Variants in OTOGL observed in about 807,000 individuals in gnomAD.
OTOGL encodes the protein otogelin like, also known as otogelin-like protein.
Under a neutral mutation model 318.5 loss-of-function variants are expected in OTOGL, and 285 were observed. The observed-to-expected ratio is 0.89, with a 90% CI of 0.81 to 0.99. The LOEUF (loss-of-function observed/expected upper bound fraction) is 0.99, where lower values mean the gene tolerates loss of function less well. OTOGL is among the 50% of genes least tolerant of loss of function. OTOGL has a pLI of 0.00. For synonymous variants in OTOGL, 987 were observed against 936.5 expected (o/e 1.05, Z -0.99); for missense variants, 2,899 against 2,845.6 (o/e 1.02, Z -0.43).
intron 52 of OTOGL, among the ~76,000 whole-genome samples, chr12:80,364,948 A>G (rs77486822): frequency 0.012 from 1,793 of 152,228 alleles, 32 homozygotes; most frequent in African/African-American, 0.041. Flanking sequence ...CTGAATATAA[A>G]TAACCCTCCA....
chr12:80,255,542 T>C (rs937470079), intron 16 of OTOGL, among the ~76,000 whole-genome samples: 3 of 151,996 alleles, frequency 2.0e-5, no homozygotes, highest in Admixed American at 2.0e-4. Flanking sequence ...ATTTTATGCA[T>C]GATTGTACAA....
At chr12:80,161,251 GAGAA>G (rs1565883697) in intron 1 of OTOGL, among the ~76,000 whole-genome samples, 1 of 151,750 alleles carries the variant, frequency 6.6e-6, no homozygotes, top group African/African-American at 2.4e-5. Context: ...TTTTTAAAAA[GAGAA>G]AGGTATAAAT....
intron 26 of OTOGL, among the ~76,000 whole-genome samples, chr12:80,293,843 C>G (rs1318203329): frequency 6.6e-6 from 1 of 152,132 alleles, no homozygotes; most frequent in Non-Finnish European, 1.5e-5. Flanking sequence ...TAAATGAATG[C>G]ACTGCTTTGG....
intron 26 of OTOGL, among the ~76,000 whole-genome samples, chr12:80,295,304 G>A (rs755930520): frequency 4.6e-5 from 7 of 151,774 alleles, no homozygotes; most frequent in Non-Finnish European, 7.4e-5. Context: ...AGCCTCCCGA[G>A]TAGCTGGGAC....
intron 13 of OTOGL, 59 bp from the exon 14 acceptor site, chr12:80,253,407 C>T: frequency 6.9e-7 from 1 of 1,446,656 alleles, no homozygotes; most frequent in Non-Finnish European, 9.7e-7. Context: ...TATTATATTC[C>T]AGAAATACAA....
At chr12:80,111,685 G>A (rs1041140302) in intron 1 of OTOGL, among the ~76,000 whole-genome samples, 20 of 152,162 alleles carry the variant, frequency 1.3e-4, no homozygotes, top group African/African-American at 4.8e-4. Context: ...GTAGCGTGAT[G>A]CCTCCAGCTT....
chr12:80,302,035 A>T (rs1276803980), intron 27 of OTOGL, among the ~76,000 whole-genome samples: 1 of 152,078 alleles, frequency 6.6e-6, no homozygotes, highest in Non-Finnish European at 1.5e-5. Flanking sequence ...ACTGCAGCAT[A>T]CAATTTTTTT....
intron 37 of OTOGL, among the ~76,000 whole-genome samples, chr12:80,331,699 A>G (rs1306798736): frequency 1.3e-5 from 2 of 152,122 alleles, no homozygotes; most frequent in East Asian, 3.9e-4. Flanking sequence ...TCCTCCAAAG[A>G]TGTCACTGTC....
At chr12:80,135,503 C>T (rs1871511246) in intron 1 of OTOGL, among the ~76,000 whole-genome samples, 1 of 151,952 alleles carries the variant, frequency 6.6e-6, no homozygotes, top group African/African-American at 2.4e-5. Context: ...GAACTCCTGC[C>T]CTCAGGTGAT....
intron 11 of OTOGL, among the ~76,000 whole-genome samples, chr12:80,243,426 C>T (rs1224097822): frequency 6.6e-6 from 1 of 151,726 alleles, no homozygotes; most frequent in East Asian, 1.9e-4. Context: ...AAAATTTTTA[C>T]CAATACTCCT....
At chr12:80,180,962 C>G (rs959203135) in intron 1 of OTOGL, among the ~76,000 whole-genome samples, 1 of 152,098 alleles carries the variant, frequency 6.6e-6, no homozygotes, top group Non-Finnish European at 1.5e-5. Flanking sequence ...GGAATTTAGA[C>G]AAGGCAGTAG....
intron 2 of OTOGL, among the ~76,000 whole-genome samples, chr12:80,210,641 T>C (rs1341778745): frequency 6.6e-6 from 1 of 152,180 alleles, no homozygotes; most frequent in Admixed American, 6.6e-5. Context: ...TAAATCCATG[T>C]ACACTGCCCT....
Position 80,378,412 on chromosome 12 carries a change from A to G in OTOGL, c.*364A>G, listed in dbSNP as rs1365170943. On this transcript the variant is annotated 3_prime_UTR_variant, in exon 59 of 59. Coordinates refer to ENST00000547103, the MANE Select transcript of OTOGL (RefSeq NM_001378609.3). ...TTTCTTAATTTGCAAAGTCTGCTAT[A>G]GCTATCCAAATTAAGGTACCCTTTA... is the stretch of plus-strand genomic sequence containing the variant. 1.1e-5 allele frequency: 2 copies of G among 183,596 alleles called. No homozygotes were observed. The highest frequency in any genetic ancestry group is 2.4e-5 in the African/African-American group (1 of 42,142). The allele number at this position is 183,596 out of a possible 1,614,324, so 11.4% of individuals were successfully genotyped here.
intron 1 of OTOGL, among the ~76,000 whole-genome samples, chr12:80,127,762 C>G (rs1331066707): frequency 2.0e-5 from 3 of 152,174 alleles, no homozygotes; most frequent in African/African-American, 7.2e-5. Flanking sequence ...TTTCTCTAAA[C>G]TTCTTTATTT....
At chr12:80,330,958 CATT>C (rs771134268) in intron 37 of OTOGL, among the ~76,000 whole-genome samples, 258 of 152,210 alleles carry the variant, frequency 1.7e-3, no homozygotes, top group Non-Finnish European at 3.0e-3. Context: ...AGCTATGAAA[CATT>C]GTTGATAGAA....
At chr12:80,142,820 G>A (rs1872043161) in intron 1 of OTOGL, among the ~76,000 whole-genome samples, 1 of 152,150 alleles carries the variant, frequency 6.6e-6, no homozygotes, top group East Asian at 1.9e-4. Context: ...TGAATGAGGA[G>A]GGGAATCCAG....
At chr12:80,201,652 A>G (rs1876464943) in intron 1 of OTOGL, among the ~76,000 whole-genome samples, 1 of 152,138 alleles carries the variant, frequency 6.6e-6, no homozygotes, top group African/African-American at 2.4e-5. Context: ...ACTAGTGGCT[A>G]CCCAGGACAT....
intron 44 of OTOGL, among the ~76,000 whole-genome samples, chr12:80,350,123 T>C (rs1218946482): frequency 6.6e-6 from 1 of 152,228 alleles, no homozygotes; most frequent in Non-Finnish European, 1.5e-5. Context: ...ATCAACTTTT[T>C]TAGTTTTCAC....
At chr12:80,181,381 C>T (rs2137240147) in intron 1 of OTOGL, among the ~76,000 whole-genome samples, 1 of 151,970 alleles carries the variant, frequency 6.6e-6, no homozygotes, top group South Asian at 2.1e-4. Flanking sequence ...AGCAGACTGG[C>T]CCACCCCCTT....
Sources: gnomAD v4.1 joint callset for allele counts (sites outside exome capture counted in the v4.1 genomes callset) on GRCh38, gnomAD v4.1.1 for gene constraint, MANE v1.5 for transcripts, NCBI Gene and HGNC (gene_info 2026-07-23, HGNC 2026-07-21) for gene names.